Variants in SYCP2L observed in about 807,000 individuals in gnomAD.
SYCP2L encodes synaptonemal complex protein 2-like.
In SYCP2L, 98 loss-of-function variants were observed where a neutral mutation model predicts 125.8. The ratio of observed to expected loss-of-function variants is 0.78; its 90% CI spans 0.66 to 0.92. The LOEUF is 0.92. Among genes scored for constraint, SYCP2L ranks in the 40% least tolerant of loss-of-function variants. SYCP2L has a pLI of 0.00. For synonymous variants in SYCP2L, 317 were observed against 325.4 expected, an observed-to-expected ratio of 0.97 and a Z score of 0.28; for missense variants, 842 against 936.4, an observed-to-expected ratio of 0.90 and a Z score of 1.32.
chr6:10,892,795 TAAAAA>T (rs1039292580), intron 2 of SYCP2L, among the ~76,000 whole-genome samples: 2 of 152,178 alleles, frequency 1.3e-5, no homozygotes, highest in Admixed American at 1.3e-4. Flanking sequence ...TGTGTTAACT[TAAAAA>T]AGAAAACATT....
chr6:10,951,728 G>C (rs999348991), intron 23 of SYCP2L, among the ~76,000 whole-genome samples: 1 of 152,178 alleles, frequency 6.6e-6, no homozygotes, highest in African/African-American at 2.4e-5. Context: ...TCTTGCTCAG[G>C]AAAGACTGTT....
At chr6:10,899,682 G>A (rs1019002902) in intron 6 of SYCP2L, among the ~76,000 whole-genome samples, 12 of 152,326 alleles carry the variant, frequency 7.9e-5, no homozygotes, top group African/African-American at 1.4e-4. Context: ...TCTTCTGAAA[G>A]GCTGTCATTA....
intron 5 of SYCP2L, among the ~76,000 whole-genome samples, chr6:10,898,374 G>C (rs570524035): frequency 6.6e-6 from 1 of 152,196 alleles, no homozygotes; most frequent in Admixed American, 6.5e-5. Context: ...TTCGCCGGGC[G>C]TGGTGGTGGG....
intron 25 of SYCP2L, 152 bp downstream of exon 25, chr6:10,956,394 C>T (rs574534766): frequency 8.1e-6 from 5 of 614,526 alleles, no homozygotes; most frequent in South Asian, 6.2e-5. Context: ...GGGTGGTTAC[C>T]AGGGGTCAGG....
At chr6:10,957,320 C>T (rs530917249) in intron 25 of SYCP2L, among the ~76,000 whole-genome samples, 6 of 152,272 alleles carry the variant, frequency 3.9e-5, no homozygotes, top group East Asian at 3.9e-4. Context: ...TTTCAGTCTT[C>T]GTGAATTGTG....
At chr6:10,928,568 A>T in intron 18 of SYCP2L, 118 bp downstream of exon 18, 1 of 1,373,650 alleles carries the variant, frequency 7.3e-7, no homozygotes, top group South Asian at 2.1e-5. Flanking sequence ...CTGTCAATTT[A>T]AAAAAATTTT....
intron 1 of SYCP2L, among the ~76,000 whole-genome samples, chr6:10,888,409 T>C (rs1780118749): frequency 2.0e-5 from 3 of 152,008 alleles, no homozygotes; most frequent in Non-Finnish European, 4.4e-5. Flanking sequence ...TCATGTTTTT[T>C]AAATGAGGAG....
chr6:10,888,157 C>T (rs946931411), intron 1 of SYCP2L, among the ~76,000 whole-genome samples: 1 of 125,568 alleles, frequency 8.0e-6, no homozygotes, highest in South Asian at 2.8e-4. Context: ...AGTGCAGTGG[C>T]GTGATCTTGG....
At chr6:10,907,475 T>C (rs1780518117) in intron 9 of SYCP2L, 67 bp from the exon 10 acceptor site, 11 of 1,485,230 alleles carry the variant, frequency 7.4e-6, no homozygotes, top group Non-Finnish European at 1.0e-5. Flanking sequence ...GTGCTAAATC[T>C]GGAACTCATT....
intron 8 of SYCP2L, among the ~76,000 whole-genome samples, chr6:10,905,314 C>T (rs1311015687): frequency 5.4e-5 from 8 of 149,446 alleles, no homozygotes; most frequent in Admixed American, 1.3e-4. Context: ...TTTTTTGAGT[C>T]GGAGTTTCAC....
chr6:10,920,688 T>C (rs1780782114), intron 14 of SYCP2L, among the ~76,000 whole-genome samples: 1 of 151,658 alleles, frequency 6.6e-6, no homozygotes, highest in Admixed American at 6.6e-5. Context: ...TAGGTAAACC[T>C]ACACAGGTTT....
intron 2 of SYCP2L, 119 bp from the exon 3 acceptor site, chr6:10,893,748 C>A: frequency 9.2e-7 from 1 of 1,090,584 alleles, no homozygotes; most frequent in Non-Finnish European, 1.3e-6. Context: ...GATCTCCATT[C>A]TATATTTACC....
intron 29 of SYCP2L, among the ~76,000 whole-genome samples, chr6:10,967,808 A>T (rs1400064449): frequency 1.3e-5 from 2 of 152,182 alleles, no homozygotes; most frequent in Admixed American, 1.3e-4. Context: ...CATAGTGCTG[A>T]TTCTAGTAAC....
chr6:10,891,665 A>T, intron 2 of SYCP2L, 84 bp downstream of exon 2: 4 of 779,386 alleles, frequency 5.1e-6, no homozygotes, highest in South Asian at 2.2e-5. Context: ...GTGTGTGTGT[A>T]TGTGTATATG....
intron 19 of SYCP2L, among the ~76,000 whole-genome samples, chr6:10,931,198 A>G (rs1457266092): frequency 6.6e-6 from 1 of 152,202 alleles, no homozygotes; most frequent in East Asian, 1.9e-4. Flanking sequence ...AGGACACAAC[A>G]AGCATGTGAG....
chr6:10,918,918 G>A (rs1419879749), intron 14 of SYCP2L, among the ~76,000 whole-genome samples: 1 of 152,150 alleles, frequency 6.6e-6, no homozygotes, highest in African/African-American at 2.4e-5. Context: ...ATTGTTTCCT[G>A]AAATTTTGAT....
rs1780580243 is a variant in SYCP2L at position 10,910,163 on chromosome 6, C to T, written c.835C>T (p.Leu279Phe). 9 of 1,613,586 alleles carry T rather than the reference C, an allele frequency of 5.6e-6. No homozygotes were observed. The East Asian group carries it at 2.0e-4, about 36-fold the overall frequency. ...REFETDSRRF[L>F]NHLNNRLGDQ... ...TGCTTTGAAGGACAGTAGACGTTTT[C>T]TCAATCACCTAAACAACAGACTTGG... The change falls in exon 11 of 30, where the codon CTC becomes TTC. Residue 279 changes from leucine (L) to phenylalanine (F), a missense_variant. Physicochemically the swap from Leu to Phe is conservative, Grantham distance 22. Coordinates refer to ENST00000283141, the MANE Select transcript of SYCP2L (RefSeq NM_001040274.3).
chr6:10,926,377 T>C lies in SYCP2L; in HGVS notation c.1257T>C (p.Phe419=), dbSNP rs1329793217. The C allele has an allele frequency of 6.2e-7, 1 of 1,613,888 alleles. No homozygotes were observed. The highest frequency in any genetic ancestry group is 8.5e-7 in the Non-Finnish European group (1 of 1,179,910). ...PDQTKISSEL[F]SKSDKEDRES... ...AGACGAAAATCTCCTCAGAACTTTTTAGTAAGTCTGATAAAGAAGACAGGG... is the reference window on the plus strand; with the variant it reads ...AGACGAAAATCTCCTCAGAACTTTTCAGTAAGTCTGATAAAGAAGACAGGG... Residue 419 remains phenylalanine (F), a synonymous_variant, in exon 16 of 30, where the codon TTT becomes TTC. Coordinates refer to ENST00000283141, the MANE Select transcript of SYCP2L (RefSeq NM_001040274.3).
At chr6:10,902,016 CT>C in intron 6 of SYCP2L, among the ~76,000 whole-genome samples, 1 of 152,324 alleles carries the variant, frequency 6.6e-6, no homozygotes, top group African/African-American at 2.4e-5. Flanking sequence ...AATGAAAGCC[CT>C]AGCTTTGCTC....
Sources: gnomAD v4.1 joint callset for allele counts (sites outside exome capture counted in the v4.1 genomes callset) on GRCh38, gnomAD v4.1.1 for gene constraint, MANE v1.5 for transcripts, NCBI Gene and HGNC (gene_info 2026-07-23, HGNC 2026-07-21) for gene names.